Variants in CMTM8 observed in about 807,000 individuals in gnomAD.
CMTM8 encodes the protein CKLF-like MARVEL transmembrane domain-containing protein 8.
CMTM8 carries 12 observed loss-of-function variants against 18.6 expected under a neutral mutation model. That is an observed-to-expected ratio of 0.65 (90% CI 0.41 to 1.05). CMTM8 has a LOEUF of 1.05. Ranked by LOEUF, CMTM8 falls within the 50% of genes least tolerant of loss-of-function variation. CMTM8 has a pLI of 0.00. For missense variants in CMTM8, 217 were observed against 227.2 expected (o/e 0.95, Z 0.29); for synonymous variants, 87 against 90.6 (o/e 0.96, Z 0.23).
intron 1 of CMTM8, among the ~76,000 whole-genome samples, chr3:32,277,615 G>A (rs1222927670): frequency 2.0e-5 from 3 of 152,052 alleles, no homozygotes; most frequent in Admixed American, 2.0e-4. Flanking sequence ...AAACTCAAAG[G>A]ACTCTATTAC....
At chr3:32,292,814 C>A (rs1173753281) in intron 1 of CMTM8, among the ~76,000 whole-genome samples, 1 of 152,010 alleles carries the variant, frequency 6.6e-6, no homozygotes, top group Non-Finnish European at 1.5e-5. Flanking sequence ...CCAGATGTTG[C>A]CAAATGCTCT....
Position 32,238,961 on chromosome 3 carries a change from A to C in CMTM8, c.-12A>C. 6.5e-7 allele frequency: 1 copy of C among 1,545,542 alleles called. No individual in the cohort carries two copies. Among genetic ancestry groups the C allele is most frequent in the Non-Finnish European group, 8.7e-7 (1 of 1,144,802 alleles). On this transcript the variant is annotated 5_prime_UTR_variant, in exon 1 of 4. Transcript: ENST00000307526. ...GTCCCTGGGGACGCGCCAGCCCGGC[A>C]GTGGCTCGACGATGGAGGAGCCGCA...
At chr3:32,265,641 T>C (rs1284072085) in intron 1 of CMTM8, among the ~76,000 whole-genome samples, 1 of 151,876 alleles carries the variant, frequency 6.6e-6, no homozygotes, top group East Asian at 1.9e-4. Flanking sequence ...CAAAAAACCC[T>C]TCAAAAAATC....
At position 32,367,898 on chromosome 3, in the gene CMTM8, C is replaced by T. The variant is rs200817216; in HGVS notation, c.348C>T (p.Phe116=). ...GCCTGTGCTTTAACGGCAGTGCCTT[C>T]GTCTTGTACCTCTCTGCCGCTGTTG... The part of the protein sequence containing the change: ...TVGLCFNGSA[F]VLYLSAAVVD... The change falls in exon 3 of 4, where the codon TTC becomes TTT. Residue 116 remains phenylalanine (F), a synonymous_variant. Transcript: ENST00000307526. 5.0e-6 allele frequency: 8 copies of T among 1,613,994 alleles called. No homozygotes were observed. Among genetic ancestry groups the T allele is most frequent in the African/African-American group, 2.7e-5 (2 of 75,026 alleles).
intron 1 of CMTM8, among the ~76,000 whole-genome samples, chr3:32,350,524 A>T (rs1178168063): frequency 1.3e-4 from 18 of 135,650 alleles, no homozygotes; most frequent in African/African-American, 2.0e-4. Flanking sequence ...GGCCCAGCTA[A>T]TTTTTTTTTT....
rs147374306 is a variant in CMTM8, at chr3:32,317,032, C to T, written c.148-40341C>T. On this transcript the variant is annotated intron_variant, in intron 1 of 3. Coordinates refer to ENST00000307526, the MANE Select transcript of CMTM8 (RefSeq NM_178868.5). ...AGTGTCTTGGGATCTAAATTTCAAA[C>T]GCTTCAGAGAGCTCTGCACAGATAG... Among the ~76,000 whole-genome samples the T allele has an allele frequency of 4.3e-3, 652 of 152,282 alleles. 15 individuals carry two copies. Among genetic ancestry groups the T allele is most frequent in the South Asian group, 2.3e-3 (11 of 4,824 alleles).
At chr3:32,319,057 C>CATATATATATATATATATATATAT (rs1553605520) in intron 1 of CMTM8, among the ~76,000 whole-genome samples, 3 of 45,886 alleles carry the variant, frequency 6.5e-5, no homozygotes, top group Non-Finnish European at 1.1e-4. Flanking sequence ...TGTGTATATA[C>CATATATATATATATATATATATAT]ATATATATAT....
At chr3:32,354,426 A>G (rs1221034522) in intron 1 of CMTM8, among the ~76,000 whole-genome samples, 1 of 152,194 alleles carries the variant, frequency 6.6e-6, no homozygotes, top group East Asian at 1.9e-4. Context: ...TCATGGGTCA[A>G]GTATTCCCGT....
At chr3:32,270,795 A>G (rs1020212300) in intron 1 of CMTM8, among the ~76,000 whole-genome samples, 4 of 152,136 alleles carry the variant, frequency 2.6e-5, no homozygotes, top group Admixed American at 2.0e-4. Context: ...GGTGCAGCAC[A>G]CCAACATGGC....
rs142821994 is a variant in CMTM8, at chr3:32,357,285, AT to A, written c.148-86del. On this transcript the variant is annotated intron_variant, in intron 1 of 3. Coordinates refer to ENST00000307526, the MANE Select transcript of CMTM8 (RefSeq NM_178868.5). ...TAAGTTGTAATTGACATTCTGTATA[AT>A]TATTTTTTTTTCTTTGTCCCTCCTT... 4.8e-3 allele frequency: 4,665 copies of A among 977,356 alleles called. 155 individuals are homozygous for A. In the African/African-American group the frequency reaches 0.07, roughly 15 times the overall value. The allele number at this position is 977,356 out of a possible 1,614,324, so 60.5% of individuals were successfully genotyped here.
chr3:32,283,935 G>A (rs2125551543), intron 1 of CMTM8, among the ~76,000 whole-genome samples: 1 of 152,292 alleles, frequency 6.6e-6, no homozygotes, highest in African/African-American at 2.4e-5. Context: ...AGCTTTATGA[G>A]TATACATAAA....
intron 1 of CMTM8, among the ~76,000 whole-genome samples, chr3:32,351,797 T>C (rs1696714871): frequency 6.6e-6 from 1 of 152,018 alleles, no homozygotes; most frequent in Non-Finnish European, 1.5e-5. Flanking sequence ...GGGGAAAATA[T>C]TTGCCACATA....
At chr3:32,290,576 C>T (rs911442492) in intron 1 of CMTM8, among the ~76,000 whole-genome samples, 1 of 152,216 alleles carries the variant, frequency 6.6e-6, no homozygotes. Flanking sequence ...GAGTTTAGAC[C>T]TGATCCAACC....
At position 32,350,338 on chromosome 3, in the gene CMTM8, A is replaced by G. The variant is rs73069459; in HGVS notation, c.148-7035A>G. On this transcript the variant is annotated intron_variant, in intron 1 of 3. Coordinates refer to ENST00000307526, the MANE Select transcript of CMTM8 (RefSeq NM_178868.5). ...CTTAGGGTCATTAAGTCAGTTATCCATTGTTCATATGTGTTCTAAGCTTTT... is the reference window on the plus strand; with the variant it reads ...CTTAGGGTCATTAAGTCAGTTATCCGTTGTTCATATGTGTTCTAAGCTTTT... Among the ~76,000 whole-genome samples, 1,198 of 145,670 alleles carry G rather than the reference A, an allele frequency of 8.2e-3. 10 individuals carry two copies. Among genetic ancestry groups the G allele is most frequent in the South Asian group, 0.021 (99 of 4,654 alleles).
Position 32,352,718 on chromosome 3 carries a change from G to A in CMTM8, c.148-4655G>A, listed in dbSNP as rs116258318. Among the ~76,000 whole-genome samples the A allele has an allele frequency of 3.1e-3, 478 of 152,252 alleles. 3 individuals are homozygous for A. The highest frequency in any genetic ancestry group is 0.011 in the African/African-American group (462 of 41,532). ...AGGAGTAACTAGAAATGGGGATAAGGTTTTCAGGTGCTGGCAGTGTTGTGT... is the reference window on the plus strand; with the variant it reads ...AGGAGTAACTAGAAATGGGGATAAGATTTTCAGGTGCTGGCAGTGTTGTGT... On this transcript the variant is annotated intron_variant, in intron 1 of 3. Coordinates refer to ENST00000307526, the MANE Select transcript of CMTM8 (RefSeq NM_178868.5).
At chr3:32,312,906 G>A (rs544975288) in intron 1 of CMTM8, among the ~76,000 whole-genome samples, 8 of 152,022 alleles carry the variant, frequency 5.3e-5, no homozygotes, top group Non-Finnish European at 5.9e-5. Context: ...GTCCAGGGCT[G>A]TTCCAGGAAC....
chr3:32,347,640 C>G (rs940085842), intron 1 of CMTM8, among the ~76,000 whole-genome samples: 1 of 152,146 alleles, frequency 6.6e-6, no homozygotes, highest in African/African-American at 2.4e-5. Context: ...AGGCCAATCA[C>G]GTCACATAAT....
intron 1 of CMTM8, among the ~76,000 whole-genome samples, chr3:32,353,539 G>A (rs766145986): frequency 6.6e-6 from 1 of 152,194 alleles, no homozygotes; most frequent in Non-Finnish European, 1.5e-5. Context: ...AGAGATGCAT[G>A]TGTAGTAGTG....
intron 1 of CMTM8, among the ~76,000 whole-genome samples, chr3:32,352,694 G>A (rs1403825439): frequency 6.6e-6 from 1 of 152,138 alleles, no homozygotes; most frequent in East Asian, 1.9e-4. Context: ...TTAGAGGAGA[G>A]GAGTAACTAG....
Sources: gnomAD v4.1 joint callset for allele counts (sites outside exome capture counted in the v4.1 genomes callset) on GRCh38, gnomAD v4.1.1 for gene constraint, MANE v1.5 for transcripts, NCBI Gene and HGNC (gene_info 2026-07-23, HGNC 2026-07-21) for gene names.